Variants in MTBP observed in about 807,000 individuals in gnomAD.
MTBP encodes MDM2 binding protein.
MTBP carries 101 observed loss-of-function variants against 117.0 expected under a neutral mutation model. That is an observed-to-expected ratio of 0.86 (90% confidence interval 0.73 to 1.02). The LOEUF (loss-of-function observed/expected upper bound fraction) is 1.02, where lower values mean the gene tolerates loss of function less well. MTBP is among the 50% of genes least tolerant of loss of function. MTBP has a pLI of 0.00. For missense variants in MTBP, 970 were observed against 1,030.9 expected, an observed-to-expected ratio of 0.94 and a Z score of 0.81; for synonymous variants, 350 against 351.5, an observed-to-expected ratio of 1.00 and a Z score of 0.05.
chr8:120,456,948 T>G (rs757004357), intron 7 of MTBP, among the ~76,000 whole-genome samples: 5 of 152,206 alleles, frequency 3.3e-5, no homozygotes, highest in Non-Finnish European at 7.4e-5. Flanking sequence ...AATAATGTGA[T>G]TATATTCAAG....
intron 2 of MTBP, among the ~76,000 whole-genome samples, chr8:120,448,611 G>T (rs900737666): frequency 2.6e-5 from 4 of 152,186 alleles, no homozygotes; most frequent in Non-Finnish European, 5.9e-5. Context: ...ATTGGTTACT[G>T]ATCATGACAC....
At chr8:120,480,243 A>C (rs920014692) in intron 11 of MTBP, among the ~76,000 whole-genome samples, 23 of 151,330 alleles carry the variant, frequency 1.5e-4, no homozygotes, top group African/African-American at 3.6e-4. Context: ...TACAAAAAAA[A>C]AAAAACAAAA....
At chr8:120,514,177 C>G (rs1336835516) in intron 17 of MTBP, among the ~76,000 whole-genome samples, 1 of 151,856 alleles carries the variant, frequency 6.6e-6, no homozygotes, top group Non-Finnish European at 1.5e-5. Context: ...GGCAAACTAA[C>G]ATAACCATCA....
chr8:120,503,496 G>GAGAC (rs1290628135), intron 15 of MTBP, among the ~76,000 whole-genome samples: 1 of 152,148 alleles, frequency 6.6e-6, no homozygotes, highest in African/African-American at 2.4e-5. Flanking sequence ...GATGGTCAGG[G>GAGAC]AGACCTCTTA....
At chr8:120,493,456 G>C (rs1237271375) in intron 13 of MTBP, among the ~76,000 whole-genome samples, 1 of 151,624 alleles carries the variant, frequency 6.6e-6, no homozygotes, top group Non-Finnish European at 1.5e-5. Context: ...TCAGATTTGA[G>C]TGTGTGTGTG....
chr8:120,512,158 C>T (rs996359381), intron 17 of MTBP, among the ~76,000 whole-genome samples: 1 of 152,036 alleles, frequency 6.6e-6, no homozygotes, highest in South Asian at 2.1e-4. Context: ...TGAAACCAGT[C>T]AACAGTGTTT....
chr8:120,478,882 A>G (rs981985076), intron 11 of MTBP, among the ~76,000 whole-genome samples: 70 of 152,326 alleles, frequency 4.6e-4, no homozygotes, highest in African/African-American at 1.6e-3. Context: ...AAAATGATCC[A>G]TAAACACCAT....
chr8:120,480,235 CA>C (rs33996388), intron 11 of MTBP, among the ~76,000 whole-genome samples: 39 of 132,486 alleles, frequency 2.9e-4, no homozygotes, highest in Middle Eastern at 7.5e-3. Context: ...CCCGTCTCTA[CA>C]AAAAAAAAAA....
intron 11 of MTBP, among the ~76,000 whole-genome samples, chr8:120,475,242 C>G (rs1813908473): frequency 6.6e-6 from 1 of 151,960 alleles, no homozygotes. Context: ...CTCCTGACCT[C>G]TTATTCATCT....
intron 12 of MTBP, among the ~76,000 whole-genome samples, chr8:120,489,231 G>A (rs1262709457): frequency 1.3e-5 from 2 of 151,962 alleles, no homozygotes; most frequent in African/African-American, 4.8e-5. Context: ...TAGAGACAGG[G>A]TTTCACCATG....
chr8:120,468,483 T>A (rs1397682910), intron 10 of MTBP, among the ~76,000 whole-genome samples: 1 of 152,248 alleles, frequency 6.6e-6, no homozygotes, highest in East Asian at 1.9e-4. Context: ...TTCTGCATCC[T>A]GCCTTGCCTG....
chr8:120,460,665 A>C (rs774730902), intron 8 of MTBP, among the ~76,000 whole-genome samples: 2 of 151,984 alleles, frequency 1.3e-5, no homozygotes, highest in Non-Finnish European at 2.9e-5. Context: ...TGGCTTCACT[A>C]TCTCTCTCTG....
At chr8:120,460,242 A>G (rs1813554986) in intron 8 of MTBP, among the ~76,000 whole-genome samples, 1 of 152,306 alleles carries the variant, frequency 6.6e-6, no homozygotes, top group South Asian at 2.1e-4. Context: ...TTAGAATCGT[A>G]AGATTCATGA....
chr8:120,523,273 G>A lies in MTBP; in HGVS notation c.2677-25G>A, dbSNP rs1465193488. 2.0e-6 allele frequency: 3 copies of A among 1,479,322 alleles called. No homozygotes were observed. In the South Asian group the frequency reaches 3.9e-5, roughly 19 times the overall value. 91.6% of individuals were successfully genotyped at this position (1,479,322 alleles called of 1,614,324 possible). ...CTTGTGTTTTCAAGAGAAATCTTCT[G>A]TAATCATATTTTTTCTCCCCCTAGG... On this transcript the variant is annotated intron_variant, in intron 21 of 21. Transcript: ENST00000305949.
intron 20 of MTBP, among the ~76,000 whole-genome samples, chr8:120,520,794 G>GA (rs932215545): frequency 2.6e-5 from 1 of 38,536 alleles, no homozygotes; most frequent in Non-Finnish European, 1.3e-4. Context: ...ATTAAAAAAA[G>GA]AAAAAAGAAA....
In MTBP at chr8:120,470,853, A is replaced by G. The variant is rs1262373644; in HGVS notation, c.1081A>G (p.Ser361Gly). 1 of 1,611,590 alleles carries G rather than the reference A, an allele frequency of 6.2e-7. No homozygotes were observed. The highest frequency in any genetic ancestry group is 2.2e-5 in the East Asian group (1 of 44,760). The change falls in exon 11 of 22, where the codon AGT becomes GGT. Residue 361 changes from serine (S) to glycine (G), a missense_variant. By Grantham distance (56) the Ser-to-Gly change is moderately conservative. Transcript: ENST00000305949. ...GALFVLPCTI[S>G]NILIPPPNQL... The stretch of plus-strand genomic sequence containing the variant: ...TCTTTTTGTATTGCCATGTACCATT[A>G]GTAACATACTGATTCCACCTCCCAA...
intron 13 of MTBP, among the ~76,000 whole-genome samples, chr8:120,496,567 T>C (rs1323374473): frequency 1.3e-5 from 2 of 152,182 alleles, no homozygotes; most frequent in African/African-American, 4.8e-5. Context: ...TCCTCTGATA[T>C]TTCCAGTGGG....
At chr8:120,461,095 A>C in intron 8 of MTBP, 66 bp from the exon 9 acceptor site, 1 of 1,182,128 alleles carries the variant, frequency 8.5e-7, no homozygotes, top group Non-Finnish European at 1.2e-6. Context: ...TTAAACCCTT[A>C]ATCACTAATT....
At chr8:120,519,725 G>A (rs1814982701) in intron 20 of MTBP, among the ~76,000 whole-genome samples, 1 of 152,120 alleles carries the variant, frequency 6.6e-6, no homozygotes, top group African/African-American at 2.4e-5. Context: ...CTAGTGAGAA[G>A]CATGTTAATT....
Sources: allele counts gnomAD v4.1 joint callset (sites outside exome capture counted in the v4.1 genomes callset), GRCh38; gene constraint gnomAD v4.1.1; transcripts MANE v1.5; gene names NCBI Gene and HGNC (gene_info 2026-07-23, HGNC 2026-07-21).